Variants in DENND4C observed in about 807,000 individuals in gnomAD.
DENND4C encodes the protein DENN domain containing 4C, also known as DENN domain-containing protein 4C.
A neutral mutation model predicts 203.0 loss-of-function variants in DENND4C; 108 were observed. The ratio of observed to expected loss-of-function variants is 0.53; its 90% CI spans 0.46 to 0.62. The LOEUF is 0.62. Among genes scored for constraint, DENND4C ranks in the 20% least tolerant of loss-of-function variants. The pLI is 0.00. For missense variants in DENND4C, 2,481 were observed against 2,301.2 expected, an observed-to-expected ratio of 1.08 and a Z score of -1.60; for synonymous variants, 871 against 792.4, an observed-to-expected ratio of 1.10 and a Z score of -1.67.
At position 19,276,456 on chromosome 9, in the gene DENND4C, T is replaced by G. The variant is rs866964441; in HGVS notation, c.282T>G (p.Asp94Glu). 28 of 1,232,006 alleles carry G rather than the reference T, an allele frequency of 2.3e-5. No homozygotes were observed. The Middle Eastern group carries it at 9.3e-4, about 41-fold the overall frequency. 76.3% of individuals were successfully genotyped at this position (1,232,006 alleles called of 1,614,324 possible). A position where few individuals can be genotyped will look rare whatever the true frequency, so the allele number is the denominator to read the frequency against. Residue 94 changes from aspartate (D) to glutamate (E), a missense_variant, in exon 2 of 33, where the codon GAT becomes GAG. Transcript: ENST00000434457. Reference sequence around the variant, plus strand: ...TCCTCTGTTATAAGAGAGGGAGAGATAAACCACCGCTTACAGATATTGGGT... The same window carrying G: ...TCCTCTGTTATAAGAGAGGGAGAGAGAAACCACCGCTTACAGATATTGGGT... ...ELFLCYKRGRDKPPLTDIGVL... is the reference protein window; with the variant it reads ...ELFLCYKRGREKPPLTDIGVL...
At position 19,374,180 on chromosome 9, in the gene DENND4C, ATT is replaced by A. The variant is rs1458236319; in HGVS notation, c.*2010_*2011del. 1.3e-5 allele frequency among the ~76,000 whole-genome samples: 2 copies of A among 152,080 alleles called. No homozygotes were observed. Among genetic ancestry groups the A allele is most frequent in the African/African-American group, 2.4e-5 (1 of 41,402 alleles). On this transcript the variant is annotated 3_prime_UTR_variant, in exon 33 of 33. Coordinates refer to ENST00000434457, the MANE Select transcript of DENND4C (RefSeq NM_001330640.2). ...AATCTGTAATCTTTAGAATCCCAAT[ATT>A]TTGTTTTTTCCATTCCTTCACTCGT... is the stretch of plus-strand genomic sequence containing the variant.
chr9:19,231,554 TC>T (rs1389489339), intron 1 of DENND4C, among the ~76,000 whole-genome samples: 3 of 151,624 alleles, frequency 2.0e-5, no homozygotes, highest in East Asian at 1.9e-4. Flanking sequence ...TTTTTTTTTT[TC>T]CTCCCCTTTT....
chr9:19,349,881 A>G (rs1040197965), intron 23 of DENND4C, among the ~76,000 whole-genome samples: 2 of 152,228 alleles, frequency 1.3e-5, no homozygotes, highest in African/African-American at 4.8e-5. Context: ...GTAAAGATTT[A>G]TATGATTTTA....
chr9:19,363,462 A>G (rs1485925395), intron 30 of DENND4C, among the ~76,000 whole-genome samples: 2 of 152,080 alleles, frequency 1.3e-5, no homozygotes, highest in African/African-American at 4.8e-5. Context: ...CAGTGAGCCA[A>G]GATCACTCCA....
At chr9:19,291,564 G>C (rs777913584) in intron 5 of DENND4C, 2 of 152,114 alleles carry the variant, frequency 1.3e-5, no homozygotes, top group African/African-American at 4.8e-5. Context: ...AATTAGCCAG[G>C]CTTGGTGGTA....
intron 10 of DENND4C, among the ~76,000 whole-genome samples, chr9:19,305,894 C>T (rs1188567588): frequency 6.6e-6 from 1 of 152,046 alleles, no homozygotes; most frequent in Non-Finnish European, 1.5e-5. Context: ...ATGGGTTTAC[C>T]CATTGGAGAT....
chr9:19,363,758 C>T (rs1466016411), intron 30 of DENND4C, among the ~76,000 whole-genome samples: 4 of 152,022 alleles, frequency 2.6e-5, no homozygotes, highest in Admixed American at 2.6e-4. Context: ...TGCCTGTAAT[C>T]CCAGCACTTT....
Position 19,372,192 on chromosome 9 carries a change from GT to G in DENND4C, c.*21del. 1 of 1,597,554 alleles carries G rather than the reference GT, an allele frequency of 6.3e-7. No individual in the cohort carries two copies. Among genetic ancestry groups the G allele is most frequent in the Non-Finnish European group, 8.5e-7 (1 of 1,172,718 alleles). On this transcript the variant is annotated 3_prime_UTR_variant, in exon 33 of 33. Coordinates refer to ENST00000434457, the MANE Select transcript of DENND4C (RefSeq NM_001330640.2). ...CATTTAAATAGAGATTCACTAGAAT[GT>G]TGACACACAAGGCTTGGGGATTAGA...
chr9:19,250,018 G>C (rs771543025), intron 1 of DENND4C, among the ~76,000 whole-genome samples: 1 of 152,096 alleles, frequency 6.6e-6, no homozygotes, highest in African/African-American at 2.4e-5. Flanking sequence ...GTTATATGTG[G>C]CTGGGCGCTG....
intron 1 of DENND4C, among the ~76,000 whole-genome samples, chr9:19,242,460 C>T (rs1823999121): frequency 6.6e-6 from 1 of 152,152 alleles, no homozygotes; most frequent in Non-Finnish European, 1.5e-5. Context: ...ATTGCTGGAT[C>T]ATATGGTAGG....
chr9:19,324,243 A>G (rs1301167928), intron 12 of DENND4C, 119 bp from the exon 13 acceptor site: 2 of 586,028 alleles, frequency 3.4e-6, no homozygotes, highest in Non-Finnish European at 2.6e-6. Context: ...CTTTTTAAAT[A>G]TGGATATATA....
At chr9:19,361,725 A>T in intron 29 of DENND4C, 121 bp from the exon 30 acceptor site, 1 of 553,032 alleles carries the variant, frequency 1.8e-6, no homozygotes, top group Admixed American at 3.1e-5. Context: ...TAAAATTTTG[A>T]TTCTGAATTT....
At chr9:19,268,988 G>A (rs1404424786) in intron 1 of DENND4C, among the ~76,000 whole-genome samples, 1 of 152,036 alleles carries the variant, frequency 6.6e-6, no homozygotes, top group Non-Finnish European at 1.5e-5. Flanking sequence ...TGTTTGGGAA[G>A]TTCTCTGTAG....
intron 2 of DENND4C, among the ~76,000 whole-genome samples, chr9:19,282,518 T>C (rs2131017904): frequency 6.9e-6 from 1 of 145,488 alleles, no homozygotes; most frequent in African/African-American, 2.5e-5. Context: ...CCTCCCAAAG[T>C]GCTGGGATTA....
At chr9:19,313,802 C>G (rs919171673) in intron 10 of DENND4C, among the ~76,000 whole-genome samples, 1 of 152,278 alleles carries the variant, frequency 6.6e-6, no homozygotes, top group South Asian at 2.1e-4. Context: ...CAGTAGCGTG[C>G]TGTCAAACTC....
intron 1 of DENND4C, among the ~76,000 whole-genome samples, chr9:19,258,509 G>T (rs957628644): frequency 6.6e-6 from 1 of 152,162 alleles, no homozygotes; most frequent in Non-Finnish European, 1.5e-5. Context: ...CCCAAGTGGG[G>T]TTTATGCCAG....
At chr9:19,296,340 G>C (rs1456138787) in intron 6 of DENND4C, 94 bp downstream of exon 6, 1 of 846,422 alleles carries the variant, frequency 1.2e-6, no homozygotes, top group Admixed American at 2.4e-5. Flanking sequence ...AGTTGGAAGG[G>C]AAGGAAGCCT....
At chr9:19,360,198 C>A (rs1320184268) in intron 28 of DENND4C, 46 bp from the exon 29 acceptor site, 4 of 1,573,348 alleles carry the variant, frequency 2.5e-6, no homozygotes, top group Non-Finnish European at 3.5e-6. Flanking sequence ...CTTGAGCATA[C>A]AGATTTAAAC....
intron 1 of DENND4C, among the ~76,000 whole-genome samples, chr9:19,234,345 C>G (rs1821330806): frequency 6.6e-6 from 1 of 151,908 alleles, no homozygotes; most frequent in South Asian, 2.1e-4. Flanking sequence ...ATTCTCCTGT[C>G]TCACCCTCCC....
Sources: gnomAD v4.1 joint callset for allele counts (sites outside exome capture counted in the v4.1 genomes callset) on GRCh38, gnomAD v4.1.1 for gene constraint, MANE v1.5 for transcripts, NCBI Gene and HGNC (gene_info 2026-07-23, HGNC 2026-07-21) for gene names.